Variants in CCSER1 observed in about 807,000 individuals in gnomAD.
CCSER1 encodes the protein serine-rich coiled-coil domain-containing protein 1.
CCSER1 carries 41 observed loss-of-function variants against 82.0 expected under a neutral mutation model. That is an observed-to-expected ratio of 0.50 (90% CI 0.39 to 0.65). CCSER1 has a LOEUF of 0.65. Ranked by LOEUF, CCSER1 falls within the 30% of genes least tolerant of loss-of-function variation. The pLI, the probability that CCSER1 is intolerant of heterozygous loss-of-function variation, is 0.00. For missense variants in CCSER1, 1,119 were observed against 1,064.2 expected (o/e 1.05, Z -0.72); for synonymous variants, 414 against 383.9 (o/e 1.08, Z -0.92).
At chr4:90,986,002 G>A (rs1014763800) in intron 9 of CCSER1, among the ~76,000 whole-genome samples, 5 of 151,654 alleles carry the variant, frequency 3.3e-5, no homozygotes, top group Admixed American at 2.0e-4. Flanking sequence ...CATTTTGGGT[G>A]AATATTATTT....
chr4:90,653,025 C>G (rs1729055750), intron 6 of CCSER1, among the ~76,000 whole-genome samples: 2 of 151,836 alleles, frequency 1.3e-5, no homozygotes, highest in Non-Finnish European at 2.9e-5. Flanking sequence ...GGGGCCAAGC[C>G]TATGGCTCCC....
chr4:90,740,399 G>C (rs1580242121), intron 7 of CCSER1, among the ~76,000 whole-genome samples: 1 of 152,000 alleles, frequency 6.6e-6, no homozygotes, highest in Non-Finnish European at 1.5e-5. Flanking sequence ...TTATATCCTG[G>C]TAAGACAAAT....
chr4:90,943,710 G>A (rs1345098838), intron 9 of CCSER1, among the ~76,000 whole-genome samples: 1 of 139,662 alleles, frequency 7.2e-6, no homozygotes, highest in African/African-American at 2.6e-5. Context: ...CTACAAACAT[G>A]AGCCACTGTG....
chr4:90,557,274 A>T (rs1778253076), intron 5 of CCSER1, among the ~76,000 whole-genome samples: 1 of 152,070 alleles, frequency 6.6e-6, no homozygotes, highest in Non-Finnish European at 1.5e-5. Context: ...CTTATTAATC[A>T]TTATCTTGGA....
intron 1 of CCSER1, among the ~76,000 whole-genome samples, chr4:90,175,726 C>T (rs962532278): frequency 5.3e-5 from 8 of 151,942 alleles, no homozygotes; most frequent in African/African-American, 1.4e-4. Context: ...TTACCATTTA[C>T]AATTTTTAAA....
chr4:90,882,477 A>T (rs1031966380), intron 8 of CCSER1, among the ~76,000 whole-genome samples: 1 of 152,074 alleles, frequency 6.6e-6, no homozygotes, highest in Non-Finnish European at 1.5e-5. Flanking sequence ...TTTTTCATTT[A>T]TATGCTGTGA....
In CCSER1 at chr4:90,827,484, A is replaced by G. The variant is rs182059810; in HGVS notation, c.2094+11639A>G. Among the ~76,000 whole-genome samples the G allele has an allele frequency of 3.3e-5, 5 of 152,202 alleles. No individual in the cohort carries two copies. The East Asian group carries it at 7.8e-4, about 24-fold the overall frequency. ...CACTGGGTAATGATAACAAAACAGA[A>G]AAATTTATTTTAGAGGAATCACCTA... On this transcript the variant is annotated intron_variant, in intron 8 of 10. Coordinates refer to ENST00000509176, the MANE Select transcript of CCSER1 (RefSeq NM_001145065.2).
At position 91,337,455 on chromosome 4, in the gene CCSER1, A is replaced by G. The variant is rs573499593; in HGVS notation, c.2217+251461A>G. ...ACAGATTAGAACATCTGGCATTTTA[A>G]GAAGTGAGTCTGAATGTGTCACCTG... On this transcript the variant is annotated intron_variant, in intron 10 of 10. Transcript: ENST00000509176. Among the ~76,000 whole-genome samples the G allele has an allele frequency of 3.9e-5, 6 of 152,270 alleles. No homozygotes were observed. The East Asian group carries it at 1.2e-3, about 29-fold the overall frequency.
intron 10 of CCSER1, among the ~76,000 whole-genome samples, chr4:91,471,873 G>A (rs1324851744): frequency 6.7e-6 from 1 of 150,252 alleles, no homozygotes; most frequent in Admixed American, 6.7e-5. Context: ...ATGAGACTGA[G>A]GCAGGAGAAT....
intron 1 of CCSER1, among the ~76,000 whole-genome samples, chr4:90,141,007 G>A (rs1277416936): frequency 7.8e-6 from 1 of 128,506 alleles, no homozygotes. Flanking sequence ...GTTCTCCAGA[G>A]AAACCCAGCA....
At chr4:91,437,634 C>G (rs961102831) in intron 10 of CCSER1, among the ~76,000 whole-genome samples, 1 of 152,188 alleles carries the variant, frequency 6.6e-6, no homozygotes, top group African/African-American at 2.4e-5. Context: ...GGGCGCAGGA[C>G]AGTGGGTGCA....
chr4:91,544,366 C>A (rs531908437), intron 10 of CCSER1, among the ~76,000 whole-genome samples: 1 of 152,198 alleles, frequency 6.6e-6, no homozygotes, highest in African/African-American at 2.4e-5. Flanking sequence ...AACTGCGTCC[C>A]TTTGGAAGAG....
At chr4:91,505,461 G>C (rs1414965476) in intron 10 of CCSER1, among the ~76,000 whole-genome samples, 1 of 152,214 alleles carries the variant, frequency 6.6e-6, no homozygotes, top group African/African-American at 2.4e-5. Flanking sequence ...TATATACCCA[G>C]TAATGGGATT....
chr4:91,074,620 C>T (rs906867869), intron 9 of CCSER1, among the ~76,000 whole-genome samples: 11 of 152,122 alleles, frequency 7.2e-5, no homozygotes, highest in African/African-American at 2.4e-4. Flanking sequence ...TTAGGGACCC[C>T]GTGGCCAGAG....
intron 4 of CCSER1, among the ~76,000 whole-genome samples, chr4:90,426,729 TAA>T (rs1757577404): frequency 6.6e-6 from 1 of 152,176 alleles, no homozygotes; most frequent in Admixed American, 6.6e-5. Flanking sequence ...TTTGAATAAT[TAA>T]AGAGTTTGTT....
At chr4:90,299,244 C>A (rs1470668549) in intron 1 of CCSER1, among the ~76,000 whole-genome samples, 1 of 151,958 alleles carries the variant, frequency 6.6e-6, no homozygotes, top group Non-Finnish European at 1.5e-5. Flanking sequence ...CTCTTTTTAT[C>A]TGGGGGATTG....
intron 8 of CCSER1, among the ~76,000 whole-genome samples, chr4:90,864,452 A>G (rs1029277172): frequency 1.3e-5 from 2 of 151,926 alleles, no homozygotes; most frequent in African/African-American, 2.4e-5. Context: ...TTCGCTATCT[A>G]AAGAGTAGTT....
At chr4:90,826,536 A>G (rs919486758) in intron 8 of CCSER1, among the ~76,000 whole-genome samples, 5 of 152,200 alleles carry the variant, frequency 3.3e-5, no homozygotes, top group Admixed American at 3.3e-4. Context: ...GGTACTGTGA[A>G]TGCTTTAGGT....
chr4:90,369,969 T>C (rs1326904025), intron 3 of CCSER1, among the ~76,000 whole-genome samples: 1 of 152,080 alleles, frequency 6.6e-6, no homozygotes, highest in African/African-American at 2.4e-5. Context: ...TGTCGTTAAT[T>C]TTTGTTTTAT....
Sources: allele counts gnomAD v4.1 joint callset (sites outside exome capture counted in the v4.1 genomes callset), GRCh38; gene constraint gnomAD v4.1.1; transcripts MANE v1.5; gene names NCBI Gene and HGNC (gene_info 2026-07-23, HGNC 2026-07-21).